INSL6: variants seen among roughly 807,000 people sequenced by gnomAD.
INSL6 encodes insulin-like peptide INSL6.
In INSL6, 16 loss-of-function variants were observed where a neutral mutation model predicts 9.4. That is an observed-to-expected ratio of 1.70 (90% CI 1.15 to 2.59). The LOEUF (loss-of-function observed/expected upper bound fraction) is 2.59. Ranked by LOEUF, INSL6 falls within the 30% of genes most tolerant of loss-of-function variation. INSL6 has a pLI of 0.00. For missense variants in INSL6, 391 were observed against 257.3 expected (o/e 1.52, Z -3.56); for synonymous variants, 154 against 96.9 (o/e 1.59, Z -3.46).
chr9:5,171,503 A>G (rs1825179874), intron 1 of INSL6, among the ~76,000 whole-genome samples: 1 of 152,218 alleles, frequency 6.6e-6, no homozygotes, highest in Non-Finnish European at 1.5e-5. Flanking sequence ...AAGAGAAAGA[A>G]ATAAAGGGTA....
At chr9:5,144,401 CAA>C (rs931622491) in intron 2 of INSL6, among the ~76,000 whole-genome samples, 1 of 152,022 alleles carries the variant, frequency 6.6e-6, no homozygotes, top group Non-Finnish European at 1.5e-5. Context: ...TGTATTTGCT[CAA>C]GAGTGTTTTA....
intron 2 of INSL6, among the ~76,000 whole-genome samples, chr9:5,144,163 A>C (rs1048034883): frequency 6.6e-6 from 1 of 152,100 alleles, no homozygotes. Context: ...CCCTTTTAAT[A>C]CTGCCTTAGC....
chr9:5,034,908 G>A, the INSL6 span, among the ~76,000 whole-genome samples: 733 of 152,254 alleles, frequency 4.8e-3, 8 homozygotes, highest in African/African-American at 0.017. Flanking sequence ...GAAGGACATA[G>A]AGAGACAAAA....
chr9:5,010,679 A>G, the INSL6 span, among the ~76,000 whole-genome samples: 1 of 152,198 alleles, frequency 6.6e-6, no homozygotes, highest in Non-Finnish European at 1.5e-5. Context: ...AATTAATCAC[A>G]TATTTACTAT....
At chr9:5,011,838 C>G in the INSL6 span, among the ~76,000 whole-genome samples, 1 of 152,162 alleles carries the variant, frequency 6.6e-6, no homozygotes, top group Non-Finnish European at 1.5e-5. Context: ...TTTGTTGGGA[C>G]AGGTCTATTT....
At chr9:5,180,547 C>A (rs181644436) in intron 1 of INSL6, among the ~76,000 whole-genome samples, 9 of 152,228 alleles carry the variant, frequency 5.9e-5, no homozygotes, top group Admixed American at 5.9e-4. Context: ...CTATAAACAG[C>A]CGCTTCGGGA....
the INSL6 span, among the ~76,000 whole-genome samples, chr9:5,001,539 C>G: frequency 6.6e-6 from 1 of 152,074 alleles, no homozygotes; most frequent in Non-Finnish European, 1.5e-5. Flanking sequence ...ATAAAACCCA[C>G]TTGGTGATGG....
intron 2 of INSL6, among the ~76,000 whole-genome samples, chr9:5,134,353 T>C (rs1240277147): frequency 1.3e-5 from 2 of 152,096 alleles, no homozygotes; most frequent in African/African-American, 4.8e-5. Flanking sequence ...ACCACAAAGA[T>C]ACTCCTCGAG....
At chr9:5,102,491 TC>T in the INSL6 span, among the ~76,000 whole-genome samples, 1 of 152,044 alleles carries the variant, frequency 6.6e-6, no homozygotes, top group African/African-American at 2.4e-5. Flanking sequence ...CAGGAGAACT[TC>T]CCCGACCTAC....
the INSL6 span, among the ~76,000 whole-genome samples, chr9:5,055,210 C>G: frequency 3.3e-5 from 5 of 151,938 alleles, no homozygotes; most frequent in Non-Finnish European, 7.4e-5. Flanking sequence ...AACTTGTTAA[C>G]TAGAAAAGAT....
At chr9:5,093,390 C>T in the INSL6 span, among the ~76,000 whole-genome samples, 1 of 152,144 alleles carries the variant, frequency 6.6e-6, no homozygotes, top group Non-Finnish European at 1.5e-5. Context: ...AACATAATCA[C>T]TTGTTCCCTA....
At chr9:5,172,907 G>T (rs11791350) in intron 1 of INSL6, among the ~76,000 whole-genome samples, 33,914 of 150,896 alleles carry the variant, frequency 0.22, 4,496 homozygotes, top group South Asian at 0.29. Flanking sequence ...TAGCCTGGGT[G>T]ACAAAGCAAG....
intron 3 of INSL6, among the ~76,000 whole-genome samples, chr9:5,129,251 C>T (rs1165483304): frequency 1.3e-5 from 2 of 152,024 alleles, no homozygotes; most frequent in Admixed American, 1.3e-4. Flanking sequence ...CTTTAGCATG[C>T]TCCCCCTAAA....
the INSL6 span, among the ~76,000 whole-genome samples, chr9:5,093,080 G>A: frequency 1.2e-4 from 18 of 152,094 alleles, no homozygotes; most frequent in Non-Finnish European, 2.4e-4. Context: ...TTTAATAGAA[G>A]CAATAATGTT....
At chr9:5,173,902 C>T (rs181322972) in intron 1 of INSL6, among the ~76,000 whole-genome samples, 99 of 152,274 alleles carry the variant, frequency 6.5e-4, no homozygotes, top group African/African-American at 2.3e-3. Context: ...GATTTGCTTT[C>T]TACTTCAGGA....
intron 1 of INSL6, among the ~76,000 whole-genome samples, chr9:5,165,831 T>C (rs1462240399): frequency 6.6e-6 from 1 of 152,222 alleles, no homozygotes; most frequent in Admixed American, 6.5e-5. Flanking sequence ...TTATGGCCCT[T>C]GCTCATCTAC....
the INSL6 span, among the ~76,000 whole-genome samples, chr9:5,067,647 T>C: frequency 5.9e-5 from 9 of 151,792 alleles, no homozygotes; most frequent in South Asian, 4.1e-4. Flanking sequence ...CAAGTATGAA[T>C]TCAAAAAAAT....
At chr9:5,177,595 T>C (rs889848741) in intron 1 of INSL6, among the ~76,000 whole-genome samples, 2 of 152,208 alleles carry the variant, frequency 1.3e-5, no homozygotes, top group Non-Finnish European at 2.9e-5. Flanking sequence ...GGAAGGGGGC[T>C]GAATCCAGGG....
chr9:5,167,115 C>G (rs1409701178), intron 1 of INSL6, among the ~76,000 whole-genome samples: 1 of 152,124 alleles, frequency 6.6e-6, no homozygotes, highest in East Asian at 1.9e-4. Context: ...CAAGGAAAAG[C>G]ACAGTGGAGC....
Sources: allele counts gnomAD v4.1 joint callset (sites outside exome capture counted in the v4.1 genomes callset), GRCh38; gene constraint gnomAD v4.1.1; transcripts MANE v1.5; gene names NCBI Gene and HGNC (gene_info 2026-07-23, HGNC 2026-07-21).